The following SATB2 variants were observed in gnomAD, a reference collection of about 807,000 sequenced individuals.
SATB2 encodes SATB homeobox 2.
In SATB2, 1 loss-of-function variant was observed where a neutral mutation model predicts 73.4. The observed-to-expected ratio is 0.01, with a 90% CI of 0.00 to 0.06. The LOEUF (loss-of-function observed/expected upper bound fraction) is 0.06, where lower values mean the gene tolerates loss of function less well. SATB2 is among the 10% of genes least tolerant of loss of function. The probability of loss-of-function intolerance (pLI) is 1.00; values close to 1 mark genes in which losing one functional copy is unlikely to be tolerated. For missense variants in SATB2, 459 were observed against 945.8 expected (o/e 0.49, Z 6.75); for synonymous variants, 397 against 367.0 (o/e 1.08, Z -0.93).
chr2:199,388,707 A>G (rs1690031514), intron 3 of SATB2, among the ~76,000 whole-genome samples: 1 of 152,182 alleles, frequency 6.6e-6, no homozygotes, highest in South Asian at 2.1e-4. Flanking sequence ...TTAATATCCA[A>G]AGGCTGGGGT....
intron 3 of SATB2, among the ~76,000 whole-genome samples, chr2:199,431,000 T>C (rs866054636): frequency 6.6e-6 from 1 of 152,204 alleles, no homozygotes; most frequent in African/African-American, 2.4e-5. Flanking sequence ...GAAAAAGAGA[T>C]TCAAGAATAC....
chr2:199,320,202 A>G (rs964953525), intron 9 of SATB2, among the ~76,000 whole-genome samples: 4 of 151,964 alleles, frequency 2.6e-5, no homozygotes, highest in African/African-American at 7.2e-5. Context: ...TTACACAGAA[A>G]ACGCTCCATA....
rs945026020 is a variant in SATB2, at chr2:199,455,484, C to T, written c.169+385G>A. 6.6e-6 allele frequency among the ~76,000 whole-genome samples: 1 copy of T among 152,232 alleles called. No individual in the cohort carries two copies. The highest frequency in any genetic ancestry group is 2.1e-4 in the South Asian group (1 of 4,830). ...CCTGTACTCGCCTGAGCATTAATGA[C>T]TATTTTATTCCCTAAAAGCGAACGC... On this transcript the variant is annotated intron_variant, in intron 2 of 10. Transcript: ENST00000417098. The surrounding 1 kb of genome is among the most constrained non-coding windows in gnomAD (Gnocchi z 4.1).
At chr2:199,459,337 G>T (rs986547400), upstream of SATB2, among the ~76,000 whole-genome samples, 11 of 152,020 alleles carry the variant, frequency 7.2e-5, no homozygotes, top group African/African-American at 2.7e-4. This position sits in a 1 kb window ranked among gnomAD's most constrained non-coding sequence, Gnocchi z 4.2. Context: ...CGCGGCCGCC[G>T]GCAGCCCGAC....
chr2:199,442,733 C>A (rs915620101), intron 2 of SATB2, among the ~76,000 whole-genome samples: 2 of 151,810 alleles, frequency 1.3e-5, no homozygotes, highest in Non-Finnish European at 2.9e-5. Context: ...AGTTACAGAG[C>A]CAGATCCATC....
intron 3 of SATB2, among the ~76,000 whole-genome samples, chr2:199,384,467 A>G (rs1275677617): frequency 6.6e-6 from 1 of 152,204 alleles, no homozygotes; most frequent in African/African-American, 2.4e-5. Flanking sequence ...AGTAACTCTT[A>G]ATGAGCCTTT....
chr2:199,413,618 A>G (rs1483842122), intron 3 of SATB2, among the ~76,000 whole-genome samples: 1 of 151,882 alleles, frequency 6.6e-6, no homozygotes, highest in Admixed American at 6.6e-5. Context: ...TGTCAAATAA[A>G]AAACTTGATT....
chr2:199,357,006 T>C (rs926038300), intron 6 of SATB2, among the ~76,000 whole-genome samples: 1 of 152,186 alleles, frequency 6.6e-6, no homozygotes, highest in African/African-American at 2.4e-5. Context: ...TATTTGACTT[T>C]AATGTCATAA....
At chr2:199,276,820 C>T (rs1270127191) in intron 10 of SATB2, among the ~76,000 whole-genome samples, 4 of 152,070 alleles carry the variant, frequency 2.6e-5, no homozygotes, top group East Asian at 1.9e-4. Context: ...TACCTACTAA[C>T]GCCATGCATA....
chr2:199,330,538 A>G (rs1423739246), intron 7 of SATB2, among the ~76,000 whole-genome samples: 1 of 152,164 alleles, frequency 6.6e-6, no homozygotes, highest in Admixed American at 6.5e-5. Context: ...AAAATAACCG[A>G]CTGGTACATG....
chr2:199,329,129 C>A, intron 7 of SATB2: 1 of 588,168 alleles, frequency 1.7e-6, no homozygotes, highest in Admixed American at 2.5e-5. Context: ...GACACTTTAT[C>A]ATCACTGTAA....
intron 7 of SATB2, among the ~76,000 whole-genome samples, chr2:199,334,472 C>T (rs1411076850): frequency 1.3e-5 from 2 of 152,096 alleles, no homozygotes; most frequent in Non-Finnish European, 2.9e-5. Flanking sequence ...ATTAAAATTA[C>T]AGAAGGCTAG....
At chr2:199,311,387 A>G (rs1687590443) in intron 9 of SATB2, among the ~76,000 whole-genome samples, 1 of 152,148 alleles carries the variant, frequency 6.6e-6, no homozygotes, top group Admixed American at 6.6e-5. Flanking sequence ...GCAGGCCCCA[A>G]GAAATCTGTG....
chr2:199,351,116 C>T (rs1011251395), intron 6 of SATB2, among the ~76,000 whole-genome samples: 11 of 147,218 alleles, frequency 7.5e-5, no homozygotes, highest in Non-Finnish European at 1.2e-4. Flanking sequence ...CTTCCAACTT[C>T]TTTTAGGGCT....
At chr2:199,406,736 A>G (rs1690640089) in intron 3 of SATB2, among the ~76,000 whole-genome samples, 1 of 152,172 alleles carries the variant, frequency 6.6e-6, no homozygotes, top group Non-Finnish European at 1.5e-5. Context: ...GAGAGGACGT[A>G]TGTATTTTAT....
intron 3 of SATB2, among the ~76,000 whole-genome samples, chr2:199,431,986 GCCCAGTATGCAAT>G (rs1691517798): frequency 6.6e-6 from 1 of 152,250 alleles, no homozygotes; most frequent in South Asian, 2.1e-4. Flanking sequence ...AAGCAATGGT[GCCCAGTATGCAAT>G]TTGCTCAGGA....
rs944002526 is a variant in SATB2, at chr2:199,463,766, C to G, written c.-141+1070G>C. Among the ~76,000 whole-genome samples, 3 of 152,192 alleles carry G rather than the reference C, an allele frequency of 2.0e-5. No individual in the cohort carries two copies. Among genetic ancestry groups the G allele is most frequent in the African/African-American group, 7.2e-5 (3 of 41,448 alleles). ...CAAAATACGAACGCCCACAGTTTGT[C>G]CCAACCCCTTGAAATGAAAAGTACA... On this transcript the variant is annotated intron_variant, in intron 1 of 11. Transcript: ENST00000260926. This position sits in a 1 kb window ranked among gnomAD's most constrained non-coding sequence, Gnocchi z 6.4.
chr2:199,347,371 G>A (rs1400929104), intron 7 of SATB2: 1 of 152,106 alleles, frequency 6.6e-6, no homozygotes, highest in Admixed American at 6.6e-5. Context: ...GAAATCAGTT[G>A]TTTTATGTCT....
intron 9 of SATB2, among the ~76,000 whole-genome samples, chr2:199,310,878 C>T (rs1355612672): frequency 6.6e-6 from 1 of 152,202 alleles, no homozygotes; most frequent in Non-Finnish European, 1.5e-5. Flanking sequence ...CAGGTGACAG[C>T]TGAGTGGTAT....
Sources: gnomAD v4.1 joint callset for allele counts (sites outside exome capture counted in the v4.1 genomes callset) on GRCh38, gnomAD v4.1.1 for gene constraint, Gnocchi (gnomAD v3.1) non-coding constraint, MANE v1.5 for transcripts, NCBI Gene and HGNC (gene_info 2026-07-23, HGNC 2026-07-21) for gene names.